The following MTHFD2L variants were observed in gnomAD, a reference collection of about 807,000 sequenced individuals.
MTHFD2L encodes the protein bifunctional methylenetetrahydrofolate dehydrogenase/cyclohydrolase 2, mitochondrial.
In MTHFD2L, 29 loss-of-function variants were observed where a neutral mutation model predicts 34.9. The ratio of observed to expected loss-of-function variants is 0.83; its 90% CI spans 0.62 to 1.13. MTHFD2L has a LOEUF of 1.13. MTHFD2L is among the 50% of genes most tolerant of loss of function. The probability of loss-of-function intolerance (pLI) is 0.00; values close to 1 mark genes in which losing one functional copy is unlikely to be tolerated. For synonymous variants in MTHFD2L, 167 were observed against 155.7 expected (o/e 1.07, Z -0.54); for missense variants, 481 against 446.5 (o/e 1.08, Z -0.70).
At chr4:74,192,106 G>A (rs958539837) in intron 3 of MTHFD2L, among the ~76,000 whole-genome samples, 4 of 152,048 alleles carry the variant, frequency 2.6e-5, no homozygotes, top group Admixed American at 2.0e-4. Flanking sequence ...GTCCTTTTGA[G>A]TAGCAGAGGA....
chr4:74,179,626 AAG>A (rs1212485651), intron 3 of MTHFD2L, among the ~76,000 whole-genome samples: 2 of 151,282 alleles, frequency 1.3e-5, no homozygotes, highest in African/African-American at 4.9e-5. Context: ...TCCTCATAAA[AAG>A]AGAATTGAAA....
chr4:74,300,041 TA>T (rs1203704879), intron 7 of MTHFD2L, among the ~76,000 whole-genome samples: 5 of 152,042 alleles, frequency 3.3e-5, no homozygotes, highest in Non-Finnish European at 7.4e-5. Flanking sequence ...AAGAAAGGAC[TA>T]AAAATTCATA....
intron 3 of MTHFD2L, among the ~76,000 whole-genome samples, chr4:74,177,876 A>C (rs144373304): frequency 2.4e-3 from 367 of 152,114 alleles, no homozygotes; most frequent in Non-Finnish European, 3.8e-3. Flanking sequence ...TGAATGGATA[A>C]AGTAAATGTT....
intron 6 of MTHFD2L, among the ~76,000 whole-genome samples, chr4:74,273,973 A>C (rs1458462036): frequency 6.6e-6 from 1 of 152,110 alleles, no homozygotes; most frequent in Non-Finnish European, 1.5e-5. Context: ...CATAGTTCAG[A>C]GGAACTTTCT....
At chr4:74,123,862 G>GA (rs1721888823), upstream of MTHFD2L, among the ~76,000 whole-genome samples, 1 of 152,022 alleles carries the variant, frequency 6.6e-6, no homozygotes, top group Non-Finnish European at 1.5e-5. Context: ...ATGCCTACTG[G>GA]CCCTAATGCA....
intron 1 of MTHFD2L, chr4:74,165,139 T>C (rs971698029): frequency 4.6e-6 from 1 of 215,566 alleles, no homozygotes; most frequent in African/African-American, 2.4e-5. Context: ...CTTACAAATA[T>C]ATTAGTGAAC....
chr4:74,133,909 C>A (rs2109812849), intron 1 of MTHFD2L, among the ~76,000 whole-genome samples: 1 of 152,182 alleles, frequency 6.6e-6, no homozygotes, highest in East Asian at 1.9e-4. Context: ...ACCCAGAGAT[C>A]CTGTATGAGG....
At chr4:74,146,198 A>T (rs1723583785) in intron 1 of MTHFD2L, among the ~76,000 whole-genome samples, 1 of 152,222 alleles carries the variant, frequency 6.6e-6, no homozygotes, top group African/African-American at 2.4e-5. Context: ...AAGATTGACA[A>T]ATCAAAATAT....
intron 3 of MTHFD2L, among the ~76,000 whole-genome samples, chr4:74,192,539 A>G (rs566912814): frequency 6.6e-6 from 1 of 152,282 alleles, no homozygotes; most frequent in African/African-American, 2.4e-5. Flanking sequence ...TCTTATATGT[A>G]TTATTCCATA....
intron 5 of MTHFD2L, among the ~76,000 whole-genome samples, chr4:74,210,863 T>G (rs1736195900): frequency 6.6e-6 from 1 of 152,152 alleles, no homozygotes; most frequent in Non-Finnish European, 1.5e-5. Context: ...CTTATTTCCT[T>G]GAGCAGTGGT....
chr4:74,194,763 C>G (rs765776579), intron 3 of MTHFD2L: 3 of 152,194 alleles, frequency 2.0e-5, no homozygotes, highest in Non-Finnish European at 2.9e-5. Flanking sequence ...GCCAGCTGCT[C>G]GAACCATGTT....
intron 6 of MTHFD2L, among the ~76,000 whole-genome samples, chr4:74,258,488 G>A (rs1744298915): frequency 6.6e-6 from 1 of 151,950 alleles, no homozygotes; most frequent in Admixed American, 6.6e-5. Context: ...TTAACCAAAT[G>A]AAGATTGAAA....
At chr4:74,152,044 C>A (rs1314836635) in intron 1 of MTHFD2L, among the ~76,000 whole-genome samples, 1 of 152,070 alleles carries the variant, frequency 6.6e-6, no homozygotes, top group African/African-American at 2.4e-5. Context: ...TCCTAATTAA[C>A]CCATCTTTGT....
In MTHFD2L at chr4:74,232,796, A is replaced by G. The variant is rs184880112; in HGVS notation, c.805+7402A>G. On this transcript the variant is annotated intron_variant, in intron 6 of 7. Transcript: ENST00000325278. ...TATTTGTATTTAGCAGCTCTACACC[A>G]TGTACGTGCTTCTTCATAAAATGCT... 2.8e-3 allele frequency among the ~76,000 whole-genome samples: 419 copies of G among 152,276 alleles called. 2 individuals carry two copies. The highest frequency in any genetic ancestry group is 4.6e-3 in the South Asian group (22 of 4,830).
chr4:74,133,928 G>C (rs140100251), intron 1 of MTHFD2L, among the ~76,000 whole-genome samples: 4 of 152,108 alleles, frequency 2.6e-5, no homozygotes, highest in Non-Finnish European at 4.4e-5. Context: ...GGATGAGACA[G>C]TTCCTGTAGG....
At chr4:74,144,837 A>G (rs971926598) in intron 1 of MTHFD2L, among the ~76,000 whole-genome samples, 2 of 152,200 alleles carry the variant, frequency 1.3e-5, no homozygotes, top group Non-Finnish European at 2.9e-5. Context: ...GCACAGTAGC[A>G]GATCAATACC....
At chr4:74,194,102 T>A (rs1378720443) in intron 3 of MTHFD2L, 2 of 152,176 alleles carry the variant, frequency 1.3e-5, no homozygotes, top group Non-Finnish European at 2.9e-5. Context: ...GAACCACAGG[T>A]ACAATCTCTG....
At chr4:74,231,675 C>T (rs977511126) in intron 6 of MTHFD2L, among the ~76,000 whole-genome samples, 3 of 152,112 alleles carry the variant, frequency 2.0e-5, no homozygotes, top group Non-Finnish European at 4.4e-5. Flanking sequence ...TAAATTCCAG[C>T]TCTGAGACTT....
chr4:74,192,073 A>G (rs1326489874), intron 3 of MTHFD2L, among the ~76,000 whole-genome samples: 1 of 152,158 alleles, frequency 6.6e-6, no homozygotes, highest in Non-Finnish European at 1.5e-5. Flanking sequence ...GGATCAGTGA[A>G]AAAGAAAAAG....
Sources: allele counts gnomAD v4.1 joint callset (sites outside exome capture counted in the v4.1 genomes callset), GRCh38; gene constraint gnomAD v4.1.1; transcripts MANE v1.5; gene names NCBI Gene and HGNC (gene_info 2026-07-23, HGNC 2026-07-21).